THSD4: variants seen among roughly 807,000 people sequenced by gnomAD.
The protein encoded by THSD4 is thrombospondin type-1 domain-containing protein 4.
Under a neutral mutation model 119.0 loss-of-function variants are expected in THSD4, and 69 were observed. That is an observed-to-expected ratio of 0.58 (90% CI 0.48 to 0.71). THSD4 has a LOEUF of 0.71. THSD4 is among the 30% of genes least tolerant of loss of function. The probability of loss-of-function intolerance (pLI) is 0.00; values close to 1 mark genes in which losing one functional copy is unlikely to be tolerated. For missense variants in THSD4, 1,393 were observed against 1,391.1 expected (o/e 1.00, Z -0.02); for synonymous variants, 524 against 540.4 (o/e 0.97, Z 0.42).
chr15:71,758,424 A>C (rs2053580377), intron 15 of THSD4, among the ~76,000 whole-genome samples: 1 of 152,266 alleles, frequency 6.6e-6, no homozygotes, highest in Non-Finnish European at 1.5e-5. Context: ...AATTGTGTAC[A>C]TAAAGTATGT....
chr15:71,721,103 A>G (rs2052713227), intron 8 of THSD4, among the ~76,000 whole-genome samples: 1 of 152,190 alleles, frequency 6.6e-6, no homozygotes, highest in Non-Finnish European at 1.5e-5. Flanking sequence ...ATGGTGGCTC[A>G]CACCTGTAAT....
chr15:71,380,881 A>G (rs956223391), intron 6 of THSD4, among the ~76,000 whole-genome samples: 2 of 152,180 alleles, frequency 1.3e-5, no homozygotes, highest in African/African-American at 4.8e-5. Context: ...TATATTATGC[A>G]TTCCTTTCCC....
intron 6 of THSD4, among the ~76,000 whole-genome samples, chr15:71,311,011 A>G (rs1449988789): frequency 6.6e-6 from 1 of 152,204 alleles, no homozygotes; most frequent in Non-Finnish European, 1.5e-5. Context: ...GCAGAGACCC[A>G]AAATAAAGTG....
At chr15:71,709,282 T>G (rs2052459760) in intron 8 of THSD4, among the ~76,000 whole-genome samples, 2 of 152,124 alleles carry the variant, frequency 1.3e-5, no homozygotes, top group Admixed American at 1.3e-4. Flanking sequence ...TTTCTGGTTG[T>G]CGTTAGGCCT....
At chr15:71,351,654 C>T (rs577093657) in intron 6 of THSD4, among the ~76,000 whole-genome samples, 3 of 152,196 alleles carry the variant, frequency 2.0e-5, no homozygotes, top group Non-Finnish European at 4.4e-5. Context: ...TAGGACACAG[C>T]GATCTCCAAT....
At chr15:71,117,572 A>G (rs915519469) in intron 1 of THSD4, among the ~76,000 whole-genome samples, 1 of 152,156 alleles carries the variant, frequency 6.6e-6, no homozygotes, top group Non-Finnish European at 1.5e-5. Flanking sequence ...TATCTGAGGA[A>G]TTATTTACCT....
At chr15:71,753,586 A>G (rs535523940) in intron 14 of THSD4, among the ~76,000 whole-genome samples, 104 of 152,360 alleles carry the variant, frequency 6.8e-4, no homozygotes, top group African/African-American at 2.4e-3. Flanking sequence ...GTGTTTTATC[A>G]GCCCAGAAGT....
intron 7 of THSD4, among the ~76,000 whole-genome samples, chr15:71,648,381 C>T (rs1345928781): frequency 6.6e-6 from 1 of 152,208 alleles, no homozygotes; most frequent in Non-Finnish European, 1.5e-5. Context: ...CATGACCCTA[C>T]ATGCCCAACC....
At chr15:71,738,644 G>A (rs892368256) in intron 11 of THSD4, among the ~76,000 whole-genome samples, 2 of 152,212 alleles carry the variant, frequency 1.3e-5, no homozygotes, top group African/African-American at 2.4e-5. Flanking sequence ...ACACAGGGAT[G>A]CACTTAATTC....
chr15:71,468,610 C>T (rs1009208076), intron 7 of THSD4, among the ~76,000 whole-genome samples: 2 of 152,130 alleles, frequency 1.3e-5, no homozygotes, highest in African/African-American at 2.4e-5. Flanking sequence ...TAAAACATTA[C>T]TTTTAGCTAT....
intron 3 of THSD4, among the ~76,000 whole-genome samples, chr15:71,213,759 C>T (rs939922861): frequency 5.9e-4 from 90 of 152,326 alleles, no homozygotes; most frequent in African/African-American, 2.1e-3. Context: ...TTTTTCACCT[C>T]TTCCAAGTCA....
At chr15:71,212,851 G>C (rs62017768) in intron 3 of THSD4, among the ~76,000 whole-genome samples, 1 of 151,944 alleles carries the variant, frequency 6.6e-6, no homozygotes, top group South Asian at 2.1e-4. Flanking sequence ...TGGGGGAGCT[G>C]AGGGGCCCTG....
At chr15:71,446,970 G>A (rs995610058) in intron 7 of THSD4, among the ~76,000 whole-genome samples, 2 of 152,056 alleles carry the variant, frequency 1.3e-5, no homozygotes, top group African/African-American at 4.8e-5. Context: ...ACTGGCACAG[G>A]GATTTAAAGA....
chr15:71,339,322 C>T lies in THSD4; in HGVS notation c.1016-72365C>T, dbSNP rs567161209. The stretch of plus-strand genomic sequence containing the variant: ...TTTTTTTAATCCAGAAATACTCCTA[C>T]TCATCCTTCCAAACCCCCAAGTTTA... On this transcript the variant is annotated intron_variant, in intron 6 of 17. Coordinates refer to ENST00000261862, the MANE Select transcript of THSD4 (RefSeq NM_024817.3). Among the ~76,000 whole-genome samples, 6 of 152,194 alleles carry T rather than the reference C, an allele frequency of 3.9e-5. No homozygotes were observed. In the East Asian group the frequency reaches 9.7e-4, roughly 25 times the overall value.
intron 16 of THSD4, among the ~76,000 whole-genome samples, chr15:71,765,687 G>A (rs1595930371): frequency 6.6e-6 from 1 of 152,276 alleles, no homozygotes; most frequent in South Asian, 2.1e-4. Flanking sequence ...AAGATCACTT[G>A]AGGCTAGGAG....
intron 7 of THSD4, among the ~76,000 whole-genome samples, chr15:71,576,588 A>G (rs1416433147): frequency 3.3e-5 from 5 of 152,224 alleles, no homozygotes; most frequent in African/African-American, 9.6e-5. Context: ...ACAGTCATGT[A>G]CATAGTACAT....
intron 3 of THSD4, among the ~76,000 whole-genome samples, chr15:71,180,136 G>A (rs1277180596): frequency 1.7e-5 from 1 of 59,350 alleles, no homozygotes. Flanking sequence ...AAAACTTAGA[G>A]TATAATAAAA....
At chr15:71,397,261 T>C (rs1314709493) in intron 6 of THSD4, among the ~76,000 whole-genome samples, 1 of 152,144 alleles carries the variant, frequency 6.6e-6, no homozygotes, top group Non-Finnish European at 1.5e-5. Context: ...ATAAACTCCT[T>C]CTCCTCTTTC....
chr15:71,455,107 T>C (rs1326454668), intron 7 of THSD4, among the ~76,000 whole-genome samples: 1 of 152,220 alleles, frequency 6.6e-6, no homozygotes, highest in East Asian at 1.9e-4. Context: ...CTGGTTTCTC[T>C]GGGCCAAGGC....
Sources: allele counts gnomAD v4.1 joint callset (sites outside exome capture counted in the v4.1 genomes callset), GRCh38; gene constraint gnomAD v4.1.1; transcripts MANE v1.5; gene names NCBI Gene and HGNC (gene_info 2026-07-23, HGNC 2026-07-21).